The following RGS6 variants were observed in gnomAD, a reference collection of about 807,000 sequenced individuals.
RGS6 encodes the protein regulator of G-protein signaling 6.
Under a neutral mutation model 78.5 loss-of-function variants are expected in RGS6, and 30 were observed. The observed-to-expected ratio is 0.38, with a 90% CI of 0.29 to 0.52. RGS6 has a LOEUF of 0.52. RGS6 is among the 20% of genes least tolerant of loss of function. The pLI, the probability that RGS6 is intolerant of heterozygous loss-of-function variation, is 0.85. For missense variants in RGS6, 495 were observed against 609.7 expected (o/e 0.81, Z 1.98); for synonymous variants, 206 against 206.0 (o/e 1.00, Z 0.00).
At chr14:72,085,495 C>T (rs1217707812) in intron 2 of RGS6, among the ~76,000 whole-genome samples, 1 of 152,142 alleles carries the variant, frequency 6.6e-6, no homozygotes, top group East Asian at 1.9e-4. Flanking sequence ...TTTATCATTC[C>T]TTCAGCAAAC....
chr14:72,060,169 G>A (rs1466665507), intron 2 of RGS6, among the ~76,000 whole-genome samples: 1 of 152,044 alleles, frequency 6.6e-6, no homozygotes, highest in African/African-American at 2.4e-5. Flanking sequence ...TAGGTCTTTG[G>A]TGATTTAAAA....
At chr14:71,964,678 G>T in intron 1 of RGS6, 94 bp from the exon 2 acceptor site, 1 of 798,744 alleles carries the variant, frequency 1.3e-6, no homozygotes. Context: ...TTTTGTTCAT[G>T]GCATCTGCCA....
chr14:71,977,600 C>G (rs2094204003), intron 2 of RGS6, among the ~76,000 whole-genome samples: 1 of 149,944 alleles, frequency 6.7e-6, no homozygotes, highest in South Asian at 2.1e-4. Context: ...TCTGAGGGCT[C>G]TGTTCTGTTC....
chr14:72,320,663 G>A (rs1029165929), intron 2 of RGS6, among the ~76,000 whole-genome samples: 12 of 151,396 alleles, frequency 7.9e-5, no homozygotes, highest in African/African-American at 2.4e-4. Flanking sequence ...CATGGCAAAA[G>A]GATTTTCAGT....
intron 9 of RGS6, among the ~76,000 whole-genome samples, chr14:72,473,360 T>C (rs576515206): frequency 3.9e-5 from 6 of 152,104 alleles, no homozygotes; most frequent in East Asian, 3.9e-4. Context: ...AGGAGAATGG[T>C]GTGAACCCGG....
the RGS6 span, among the ~76,000 whole-genome samples, chr14:72,584,365 A>G: frequency 1.3e-5 from 2 of 152,320 alleles, no homozygotes; most frequent in South Asian, 4.2e-4. Context: ...AGACAGAGAG[A>G]TAAACACATA....
intron 15 of RGS6, among the ~76,000 whole-genome samples, chr14:72,525,109 A>G (rs2097101907): frequency 6.6e-6 from 1 of 152,234 alleles, no homozygotes; most frequent in African/African-American, 2.4e-5. Context: ...TGAATGCTGA[A>G]TGTCAGCTAA....
At chr14:71,983,039 C>A (rs1327593276) in intron 2 of RGS6, among the ~76,000 whole-genome samples, 2 of 152,230 alleles carry the variant, frequency 1.3e-5, no homozygotes, top group East Asian at 3.9e-4. Flanking sequence ...AAAAGTGAAA[C>A]TTCCAGTATA....
chr14:72,349,038 C>T (rs1272202594), intron 2 of RGS6, among the ~76,000 whole-genome samples: 9 of 151,924 alleles, frequency 5.9e-5, no homozygotes, highest in Non-Finnish European at 8.8e-5. Context: ...TGGTGGCAGG[C>T]GCCTGTAGTC....
Position 72,057,724 on chromosome 14 carries a change from C to T in RGS6, c.84+92849C>T, listed in dbSNP as rs184207301. Among the ~76,000 whole-genome samples the T allele has an allele frequency of 7.2e-5, 11 of 152,260 alleles. No homozygotes were observed. The East Asian group carries it at 1.2e-3, about 16-fold the overall frequency. ...TAACTTAATTGTAGGGCCTTTTGCGCGTCATTTTGTGCTCCTACTTACTGC... is the reference window on the plus strand; with the variant it reads ...TAACTTAATTGTAGGGCCTTTTGCGTGTCATTTTGTGCTCCTACTTACTGC... On this transcript the variant is annotated intron_variant, in intron 2 of 17. Transcript: ENST00000553525.
chr14:72,166,867 TTTTCATGGCAA>T (rs2096935062), intron 2 of RGS6, among the ~76,000 whole-genome samples: 1 of 152,224 alleles, frequency 6.6e-6, no homozygotes, highest in South Asian at 2.1e-4. Context: ...ACTGCCTAAT[TTTTCATGGCAA>T]TTTTTGAGGA....
At chr14:72,288,473 A>G (rs2062991061) in intron 2 of RGS6, among the ~76,000 whole-genome samples, 1 of 152,220 alleles carries the variant, frequency 6.6e-6, no homozygotes, top group Non-Finnish European at 1.5e-5. Context: ...GCAGGGAAGA[A>G]GGCTGCATTG....
chr14:72,092,815 A>G (rs927819200), intron 2 of RGS6, among the ~76,000 whole-genome samples: 8 of 152,224 alleles, frequency 5.3e-5, no homozygotes, highest in Admixed American at 2.6e-4. Context: ...GCACCTTAAA[A>G]TAGAATAGTA....
At chr14:71,948,300 G>A (rs11624306) in intron 1 of RGS6, among the ~76,000 whole-genome samples, 12,498 of 152,226 alleles carry the variant, frequency 0.082, 770 homozygotes, top group Non-Finnish European at 0.13. Context: ...GTCTACGATG[G>A]TTCGATCTGT....
chr14:72,251,770 C>T (rs1357235085), intron 2 of RGS6, among the ~76,000 whole-genome samples: 6 of 152,166 alleles, frequency 3.9e-5, no homozygotes, highest in Non-Finnish European at 4.4e-5. Flanking sequence ...TGCTCACTAC[C>T]TGGGCAATAG....
At chr14:71,890,358 C>CAGACAGACAG in the RGS6 span, among the ~76,000 whole-genome samples, 109 of 133,094 alleles carry the variant, frequency 8.2e-4, 1 homozygote, top group African/African-American at 2.9e-3. Context: ...GTGCATAAGA[C>CAGACAGACAG]AGAGAGAGAG....
At chr14:72,230,700 G>C (rs2049332822) in intron 2 of RGS6, among the ~76,000 whole-genome samples, 1 of 152,222 alleles carries the variant, frequency 6.6e-6, no homozygotes, top group Admixed American at 6.5e-5. Context: ...TGATGCTGCA[G>C]TCTCGAGGCA....
intron 2 of RGS6, chr14:71,990,965 A>T (rs7156200): frequency 2.4e-6 from 1 of 413,260 alleles, no homozygotes; most frequent in Non-Finnish European, 4.8e-6. Flanking sequence ...TGACAGGCCT[A>T]ATCACTCACC....
At chr14:72,027,703 G>A (rs150481906) in intron 2 of RGS6, among the ~76,000 whole-genome samples, 35 of 152,306 alleles carry the variant, frequency 2.3e-4, no homozygotes, top group African/African-American at 8.2e-4. Context: ...GCCTGCCCAA[G>A]ACAGAGTGGA....
Sources: gnomAD v4.1 joint callset for allele counts (sites outside exome capture counted in the v4.1 genomes callset) on GRCh38, gnomAD v4.1.1 for gene constraint, MANE v1.5 for transcripts, NCBI Gene and HGNC (gene_info 2026-07-23, HGNC 2026-07-21) for gene names.